Variants in ASTN2 observed in about 807,000 individuals in gnomAD.
The protein encoded by ASTN2 is astrotactin-2.
In ASTN2, 54 loss-of-function variants were observed where a neutral mutation model predicts 139.8. That is an observed-to-expected ratio of 0.39 (90% CI 0.31 to 0.48). The LOEUF is 0.48. ASTN2 is among the 20% of genes least tolerant of loss of function. ASTN2 has a pLI of 0.95. For missense variants in ASTN2, 1,565 were observed against 1,725.1 expected, an observed-to-expected ratio of 0.91 and a Z score of 1.64; for synonymous variants, 756 against 719.5, an observed-to-expected ratio of 1.05 and a Z score of -0.81.
At chr9:117,229,868 T>G (rs1463674350) in intron 2 of ASTN2, among the ~76,000 whole-genome samples, 1 of 151,906 alleles carries the variant, frequency 6.6e-6, no homozygotes, top group Non-Finnish European at 1.5e-5. Flanking sequence ...TCTGGCCAGG[T>G]GTGGTGGCTC....
rs1564406195 is a variant in ASTN2 at position 117,060,342 on chromosome 9, GAGAGAAAGAAAGAA to G, written c.1277-20391_1277-20378del. Among the ~76,000 whole-genome samples the G allele has an allele frequency of 2.0e-3, 132 of 66,402 alleles. 1 individual carries two copies. The highest frequency in any genetic ancestry group is 8.4e-3 in the African/African-American group (113 of 13,442). 43.6% of individuals were successfully genotyped at this position (66,402 alleles called of 152,430 possible). The stretch of plus-strand genomic sequence containing the variant: ...AAAAAGAAAGAAAGAAAGAAAGAAA[GAGAGAAAGAAAGAA>G]AGAAAGAAAGAAAGAAAGAAAGAAA... On this transcript the variant is annotated intron_variant, in intron 5 of 22. Coordinates refer to ENST00000313400, the MANE Select transcript of ASTN2 (RefSeq NM_001365068.1).
chr9:116,878,878 TC>T (rs1165293549), intron 10 of ASTN2, among the ~76,000 whole-genome samples: 1 of 151,412 alleles, frequency 6.6e-6, no homozygotes, highest in African/African-American at 2.4e-5. Context: ...TCCTCCAAGC[TC>T]TCATCTCAAA....
intron 3 of ASTN2, among the ~76,000 whole-genome samples, chr9:117,213,985 G>C (rs1257317417): frequency 2.0e-5 from 3 of 152,192 alleles, no homozygotes; most frequent in Non-Finnish European, 2.9e-5. Flanking sequence ...CGTGAACACA[G>C]ATTTCAAGTT....
chr9:116,460,460 C>T (rs1848453132), intron 20 of ASTN2, among the ~76,000 whole-genome samples: 1 of 152,082 alleles, frequency 6.6e-6, no homozygotes, highest in Admixed American at 6.6e-5. Flanking sequence ...CAGGAGGATC[C>T]TGCCTCGTTA....
intron 22 of ASTN2, among the ~76,000 whole-genome samples, chr9:116,428,341 T>G (rs897317269): frequency 6.6e-6 from 1 of 152,230 alleles, no homozygotes; most frequent in East Asian, 1.9e-4. Flanking sequence ...CTGGCCAACA[T>G]ACTGAAACCC....
chr9:116,945,192 C>G (rs1328935386), intron 10 of ASTN2, among the ~76,000 whole-genome samples: 7 of 152,142 alleles, frequency 4.6e-5, no homozygotes, highest in Admixed American at 4.6e-4. Context: ...GTGAACTTTT[C>G]CAGAAGACCT....
At chr9:117,201,590 T>C (rs1831722217) in intron 3 of ASTN2, among the ~76,000 whole-genome samples, 1 of 152,188 alleles carries the variant, frequency 6.6e-6, no homozygotes, top group Admixed American at 6.5e-5. Context: ...CTTAATTTCA[T>C]TATTTATCCA....
intron 1 of ASTN2, among the ~76,000 whole-genome samples, chr9:117,297,248 G>T (rs1834758844): frequency 6.6e-6 from 1 of 152,176 alleles, no homozygotes; most frequent in Non-Finnish European, 1.5e-5. Flanking sequence ...TTTTCTCACT[G>T]TGGGGAAAGC....
chr9:116,818,470 T>C (rs1451076369), intron 12 of ASTN2, among the ~76,000 whole-genome samples: 2 of 152,196 alleles, frequency 1.3e-5, no homozygotes, highest in Non-Finnish European at 2.9e-5. Context: ...AAACTGCAGT[T>C]GGTTTTAGGA....
chr9:116,578,293 C>T (rs921046965), intron 19 of ASTN2, among the ~76,000 whole-genome samples: 1 of 152,054 alleles, frequency 6.6e-6, no homozygotes, highest in Admixed American at 6.5e-5. Context: ...GAAACTAAGT[C>T]CCCATCATTG....
intron 19 of ASTN2, among the ~76,000 whole-genome samples, chr9:116,576,718 C>T (rs559557800): frequency 3.7e-4 from 57 of 152,250 alleles, no homozygotes; most frequent in Non-Finnish European, 6.2e-4. Flanking sequence ...CCCCTTCTTA[C>T]CCCCTTCCCA....
At chr9:116,718,322 C>T (rs1010840750) in intron 16 of ASTN2, among the ~76,000 whole-genome samples, 1 of 152,166 alleles carries the variant, frequency 6.6e-6, no homozygotes, top group African/African-American at 2.4e-5. Context: ...CGGAGACACA[C>T]AGGGCTGAAG....
intron 6 of ASTN2, among the ~76,000 whole-genome samples, chr9:117,031,634 G>C (rs891286264): frequency 1.3e-5 from 2 of 152,126 alleles, no homozygotes; most frequent in Admixed American, 6.5e-5. Flanking sequence ...CAGGGCTCAA[G>C]GAGAATGATT....
intron 10 of ASTN2, among the ~76,000 whole-genome samples, chr9:116,944,288 G>A (rs1835320138): frequency 6.6e-6 from 1 of 152,116 alleles, no homozygotes; most frequent in Non-Finnish European, 1.5e-5. Flanking sequence ...CAAATCAGAG[G>A]TAGAAATATT....
In ASTN2 at chr9:117,060,384, A is replaced by T. The variant is rs1464246699; in HGVS notation, c.1277-20419T>A. Among the ~76,000 whole-genome samples, 18 of 78,664 alleles carry T rather than the reference A, an allele frequency of 2.3e-4. 1 individual carries two copies. The highest frequency in any genetic ancestry group is 9.8e-4 in the African/African-American group (15 of 15,302). 51.6% of individuals were successfully genotyped at this position (78,664 alleles called of 152,430 possible). ...AAAGAAAGAAAGAAAGAAAGAAAGAAAGAAAGAAAGAAAGAAAGAAAGAAA... is the reference window on the plus strand; with the variant it reads ...AAAGAAAGAAAGAAAGAAAGAAAGATAGAAAGAAAGAAAGAAAGAAAGAAA... On this transcript the variant is annotated intron_variant, in intron 5 of 22. Coordinates refer to ENST00000313400, the MANE Select transcript of ASTN2 (RefSeq NM_001365068.1).
intron 16 of ASTN2, among the ~76,000 whole-genome samples, chr9:116,678,623 G>A (rs1352156343): frequency 6.6e-6 from 1 of 152,146 alleles, no homozygotes; most frequent in African/African-American, 2.4e-5. Flanking sequence ...AGTGAAAAGG[G>A]CTTATAAAGG....
In ASTN2 at chr9:117,347,757, G is replaced by A. The variant is rs187088100; in HGVS notation, c.443-56244C>T. Among the ~76,000 whole-genome samples the A allele has an allele frequency of 5.3e-5, 8 of 152,312 alleles. No homozygotes were observed. In the East Asian group the frequency reaches 1.4e-3, roughly 26 times the overall value. Reference sequence around the variant, plus strand: ...GCGGATTCTCAAGGGCTGGGAAGGTGTGAATTGCTAAAGAGGAACAAAAAG... The same window carrying A: ...GCGGATTCTCAAGGGCTGGGAAGGTATGAATTGCTAAAGAGGAACAAAAAG... On this transcript the variant is annotated intron_variant, in intron 1 of 22. Transcript: ENST00000313400.
chr9:117,184,411 T>C (rs1456259589), intron 3 of ASTN2, among the ~76,000 whole-genome samples: 1 of 152,150 alleles, frequency 6.6e-6, no homozygotes, highest in East Asian at 1.9e-4. Flanking sequence ...TAGATGCATC[T>C]GTTCTCCGAA....
intron 10 of ASTN2, among the ~76,000 whole-genome samples, chr9:116,938,697 A>C (rs1700260384): frequency 6.6e-6 from 1 of 152,178 alleles, no homozygotes; most frequent in African/African-American, 2.4e-5. Flanking sequence ...AACACAACAC[A>C]TTATCTGGGC....
Sources: gnomAD v4.1 joint callset for allele counts (sites outside exome capture counted in the v4.1 genomes callset) on GRCh38, gnomAD v4.1.1 for gene constraint, MANE v1.5 for transcripts, NCBI Gene and HGNC (gene_info 2026-07-23, HGNC 2026-07-21) for gene names.